Variants in PDIK1L observed in about 807,000 individuals in gnomAD.
PDIK1L encodes the protein serine/threonine-protein kinase PDIK1L.
PDIK1L carries 9 observed loss-of-function variants against 27.1 expected under a neutral mutation model. The observed-to-expected ratio is 0.33, with a 90% CI of 0.20 to 0.58. PDIK1L has a LOEUF of 0.58. PDIK1L is among the 20% of genes least tolerant of loss of function. The pLI, the probability that PDIK1L is intolerant of heterozygous loss-of-function variation, is 0.86. For missense variants in PDIK1L, 216 were observed against 413.2 expected (o/e 0.52, Z 4.14); for synonymous variants, 130 against 141.7 (o/e 0.92, Z 0.59).
rs750372597 is a variant in PDIK1L, at chr1:26,121,889, A to G, written c.338A>G (p.Tyr113Cys). ...ATTGCCTTTGATCCCAGAAGCGCCTATTATTTGTGGTTTGTGATGGATTTT... is the reference window on the plus strand; with the variant it reads ...ATTGCCTTTGATCCCAGAAGCGCCTGTTATTTGTGGTTTGTGATGGATTTT... ...GEIAFDPRSA[Y>C]YLWFVMDFCD... Residue 113 changes from tyrosine (Y) to cysteine (C), a missense_variant, in exon 3 of 3, where the codon TAT becomes TGT. Tyr to Cys is a radical substitution (Grantham distance 194). This residue lies in a region of PDIK1L where 169 missense variants were observed against 366.0 expected (regional missense o/e 0.46). Coordinates refer to ENST00000374269, the MANE Select transcript of PDIK1L (RefSeq NM_152835.5). 3.1e-6 allele frequency: 5 copies of G among 1,613,866 alleles called. No individual in the cohort carries two copies. Among genetic ancestry groups the G allele is most frequent in the South Asian group, 1.1e-5 (1 of 91,052 alleles).
chr1:26,115,054 C>T (rs983575474), intron 2 of PDIK1L, among the ~76,000 whole-genome samples: 5 of 152,186 alleles, frequency 3.3e-5, no homozygotes, highest in East Asian at 1.9e-4. Context: ...TTCTTCACCA[C>T]GCAGTTCCAG....
chr1:26,116,873 G>A (rs1378858707), intron 2 of PDIK1L, among the ~76,000 whole-genome samples: 2 of 151,700 alleles, frequency 1.3e-5, no homozygotes, highest in African/African-American at 2.4e-5. Flanking sequence ...CTGCCACCAC[G>A]CCCGGCTAAT....
In PDIK1L at chr1:26,125,276, C is replaced by T. The variant is rs1251602167; in HGVS notation, c.*2699C>T. 6.6e-6 allele frequency: 1 copy of T among 152,554 alleles called. No homozygotes were observed. Among genetic ancestry groups the T allele is most frequent in the Admixed American group, 6.6e-5 (1 of 15,260 alleles). The allele number at this position is 152,554 out of a possible 1,614,324, so 9.5% of individuals were successfully genotyped here. A position where few individuals can be genotyped will look rare whatever the true frequency, so the allele number is the denominator to read the frequency against. On this transcript the variant is annotated 3_prime_UTR_variant, in exon 3 of 3. Coordinates refer to ENST00000374269, the MANE Select transcript of PDIK1L (RefSeq NM_152835.5). ...ATAGCACACAGAATAGTTCTTTCTGCTGGTCTGTTTTTTCTCTTCGTTGTT... is the reference window on the plus strand; with the variant it reads ...ATAGCACACAGAATAGTTCTTTCTGTTGGTCTGTTTTTTCTCTTCGTTGTT...
intron 2 of PDIK1L, among the ~76,000 whole-genome samples, chr1:26,116,727 T>A (rs2087882697): frequency 6.6e-6 from 1 of 152,194 alleles, no homozygotes; most frequent in South Asian, 2.1e-4. Flanking sequence ...TTGTTTTTTG[T>A]TTTTGAGAAG....
In PDIK1L at chr1:26,114,725, C is replaced by T; in HGVS notation, c.285+132C>T. 1 of 1,013,022 alleles carries T rather than the reference C, an allele frequency of 9.9e-7. No individual in the cohort carries two copies. Among genetic ancestry groups the T allele is most frequent in the South Asian group, 1.7e-5 (1 of 59,430 alleles). 62.8% of individuals were successfully genotyped at this position (1,013,022 alleles called of 1,614,324 possible). A position where few individuals can be genotyped will look rare whatever the true frequency, so the allele number is the denominator to read the frequency against. On this transcript the variant is annotated intron_variant, in intron 2 of 2. Coordinates refer to ENST00000374269, the MANE Select transcript of PDIK1L (RefSeq NM_152835.5). This position sits in a 1 kb window ranked among gnomAD's most constrained non-coding sequence, Gnocchi z 4.8. ...GTAGTTAGAAGTAGATAAGTGTCTGCCAAGAATTGAGTAGATGTTTGCTTT... is the reference window on the plus strand; with the variant it reads ...GTAGTTAGAAGTAGATAAGTGTCTGTCAAGAATTGAGTAGATGTTTGCTTT...
In PDIK1L at chr1:26,114,244, C is replaced by A; in HGVS notation, c.-17-48C>A. The A allele has an allele frequency of 6.7e-7, 1 of 1,494,580 alleles. No homozygotes were observed. The highest frequency in any genetic ancestry group is 1.3e-5 in the South Asian group (1 of 76,322). The allele number at this position is 1,494,580 out of a possible 1,614,324, so 92.6% of individuals were successfully genotyped here. A position where few individuals can be genotyped will look rare whatever the true frequency, so the allele number is the denominator to read the frequency against. ...AATCATACATAAGAAGAAATACAAG[C>A]CAGTAGGTATACATAATTTCAACAG... On this transcript the variant is annotated intron_variant, in intron 1 of 2. Transcript: ENST00000374269. This position sits in a 1 kb window ranked among gnomAD's most constrained non-coding sequence, Gnocchi z 4.8.
At chr1:26,116,375 A>G (rs1489444552) in intron 2 of PDIK1L, among the ~76,000 whole-genome samples, 1 of 151,180 alleles carries the variant, frequency 6.6e-6, no homozygotes, top group Non-Finnish European at 1.5e-5. Context: ...TTAGCCAGGC[A>G]TGGTGGCATG....
Position 26,121,977 on chromosome 1 carries a change from C to T in PDIK1L, c.426C>T (p.Thr142=), listed in dbSNP as rs2087997150. The T allele has an allele frequency of 6.2e-7, 1 of 1,613,860 alleles. No individual in the cohort carries two copies. The highest frequency in any genetic ancestry group is 1.3e-5 in the African/African-American group (1 of 74,850). The change falls in exon 3 of 3, where the codon ACC becomes ACT. Residue 142 remains threonine, a synonymous_variant. Coordinates refer to ENST00000374269, the MANE Select transcript of PDIK1L (RefSeq NM_152835.5). The part of the protein sequence containing the change: ...LSRKPNRKTN[T]SFMLQLSSAL... ...GGAAACCCAATCGTAAAACTAACAC[C>T]AGCTTCATGCTTCAGCTGAGCAGTG...
chr1:26,121,239 A>G (rs1160202319), intron 2 of PDIK1L, among the ~76,000 whole-genome samples: 2 of 152,222 alleles, frequency 1.3e-5, no homozygotes, highest in Non-Finnish European at 1.5e-5. Context: ...ATCCAGTGAA[A>G]GAGCCAACGT....
In PDIK1L at chr1:26,116,300, A is replaced by G. The variant is rs536982220; in HGVS notation, c.285+1707A>G. 1.1e-4 allele frequency among the ~76,000 whole-genome samples: 17 copies of G among 152,214 alleles called. 1 individual carries two copies. The South Asian group carries it at 2.9e-3, about 26-fold the overall frequency. ...TGAAGCAGGAGGATCACTTCAACCCAGGAGTTCAAGACCAGCCTGGGTAAC... is the reference window on the plus strand; with the variant it reads ...TGAAGCAGGAGGATCACTTCAACCCGGGAGTTCAAGACCAGCCTGGGTAAC... On this transcript the variant is annotated intron_variant, in intron 2 of 2. Transcript: ENST00000374269.
upstream of PDIK1L, chr1:26,111,780 A>AG: frequency 6.8e-6 from 1 of 148,092 alleles, no homozygotes; most frequent in Non-Finnish European, 1.5e-5. This position sits in a 1 kb window ranked among gnomAD's most constrained non-coding sequence, Gnocchi z 4.0. Flanking sequence ...CGTCGGCGTA[A>AG]GGGGGTGTGT....
At position 26,120,073 on chromosome 1, in the gene PDIK1L, T is replaced by C. The variant is rs780378107; in HGVS notation, c.286-1764T>C. 4.6e-5 allele frequency among the ~76,000 whole-genome samples: 7 copies of C among 152,294 alleles called. 1 individual carries two copies. In the Middle Eastern group the frequency reaches 0.017, roughly 370 times the overall value. On this transcript the variant is annotated intron_variant, in intron 2 of 2. Transcript: ENST00000374269. ...ATGTTAAAATAAGCAGATTGGGTGCTGCATTTCCATAGCTCTCAGCCAGCG... is the reference window on the plus strand; with the variant it reads ...ATGTTAAAATAAGCAGATTGGGTGCCGCATTTCCATAGCTCTCAGCCAGCG...
rs1213080137 is a variant in PDIK1L at position 26,121,974 on chromosome 1, C to T, written c.423C>T (p.Asn141=). 1 of 1,614,084 alleles carries T rather than the reference C, an allele frequency of 6.2e-7. No individual in the cohort carries two copies. The highest frequency in any genetic ancestry group is 1.7e-5 in the Admixed American group (1 of 60,016). The change falls in exon 3 of 3, where the codon AAC becomes AAT. Residue 141 remains asparagine, a synonymous_variant. Coordinates refer to ENST00000374269, the MANE Select transcript of PDIK1L (RefSeq NM_152835.5). ...LLSRKPNRKT[N]TSFMLQLSSA... ...CCAGGAAACCCAATCGTAAAACTAA[C>T]ACCAGCTTCATGCTTCAGCTGAGCA... is the stretch of plus-strand genomic sequence containing the variant.
In PDIK1L at chr1:26,123,921, A is replaced by G. The variant is rs2088035201; in HGVS notation, c.*1344A>G. On this transcript the variant is annotated 3_prime_UTR_variant, in exon 3 of 3. Coordinates refer to ENST00000374269, the MANE Select transcript of PDIK1L (RefSeq NM_152835.5). ...GGTTGTCTACAATTTGTTTTCCTGT[A>G]AATGCAGATAGTTAAAATCTAAAGG... is the stretch of plus-strand genomic sequence containing the variant. 6.6e-6 allele frequency: 1 copy of G among 152,658 alleles called. No individual in the cohort carries two copies. Among genetic ancestry groups the G allele is most frequent in the Non-Finnish European group, 1.5e-5 (1 of 68,032 alleles). 9.5% of individuals were successfully genotyped at this position (152,658 alleles called of 1,614,324 possible).
At position 26,122,004 on chromosome 1, in the gene PDIK1L, C is replaced by T. The variant is rs2124475049; in HGVS notation, c.453C>T (p.Ala151=). Residue 151 remains alanine (A), a synonymous_variant, in exon 3 of 3, where the codon GCC becomes GCT. Transcript: ENST00000374269. This position sits in a 1 kb window ranked among gnomAD's most constrained non-coding sequence, Gnocchi z 5.4. Reference sequence around the variant, plus strand: ...GCTTCATGCTTCAGCTGAGCAGTGCCCTGGCTTTCTTGCATAAAAACCAGA... The same window carrying T: ...GCTTCATGCTTCAGCTGAGCAGTGCTCTGGCTTTCTTGCATAAAAACCAGA... ...NTSFMLQLSS[A]LAFLHKNQII... 2 of 1,613,996 alleles carry T rather than the reference C, an allele frequency of 1.2e-6. No individual in the cohort carries two copies. The highest frequency in any genetic ancestry group is 2.2e-5 in the East Asian group (1 of 44,874).
chr1:26,121,803 A>G (rs1352093848), intron 2 of PDIK1L, 34 bp from the exon 3 acceptor site: 1 of 1,568,554 alleles, frequency 6.4e-7, no homozygotes, highest in Non-Finnish European at 8.6e-7. Flanking sequence ...TAACCTATGC[A>G]AATGATTGTA....
chr1:26,119,724 T>TGGCGCATGCCTGTAGTCCCAGC (rs2087945600), intron 2 of PDIK1L, among the ~76,000 whole-genome samples: 4 of 152,064 alleles, frequency 2.6e-5, no homozygotes, highest in South Asian at 2.1e-4. Context: ...CTGGGCATAG[T>TGGCGCATGCCTGTAGTCCCAGC]GGCGCATGCC....
intron 2 of PDIK1L, among the ~76,000 whole-genome samples, 190 bp from the exon 3 acceptor site, chr1:26,121,647 G>A (rs1176617083): frequency 1.3e-5 from 2 of 152,070 alleles, no homozygotes; most frequent in Non-Finnish European, 2.9e-5. Flanking sequence ...ATATTTATCA[G>A]GGACAAAATG....
In PDIK1L at chr1:26,122,259, A is replaced by G. The variant is rs1008626891; in HGVS notation, c.708A>G (p.Ala236=). 2.5e-6 allele frequency: 4 copies of G among 1,614,118 alleles called. No homozygotes were observed. In the African/African-American group the frequency reaches 5.3e-5, roughly 22 times the overall value. The change falls in exon 3 of 3, where the codon GCA becomes GCG. Residue 236 remains alanine, a synonymous_variant. Coordinates refer to ENST00000374269, the MANE Select transcript of PDIK1L (RefSeq NM_152835.5). The surrounding 1 kb of genome is among the most constrained non-coding windows in gnomAD (Gnocchi z 5.4). ...AAGTTTGGGAAGGACATTACACAGC[A>G]AAAGCTGACATCTTTGCTCTGGGGA... is the stretch of plus-strand genomic sequence containing the variant. The part of the protein sequence containing the change: ...APEVWEGHYT[A]KADIFALGII...
Sources: gnomAD v4.1 joint callset for allele counts (sites outside exome capture counted in the v4.1 genomes callset) on GRCh38, gnomAD v4.1.1 for gene constraint, gnomAD v4.1.1 regional missense constraint, Gnocchi (gnomAD v3.1) non-coding constraint, MANE v1.5 for transcripts, NCBI Gene and HGNC (gene_info 2026-07-23, HGNC 2026-07-21) for gene names.